MTHFD1L: variants seen among roughly 807,000 people sequenced by gnomAD.
MTHFD1L encodes monofunctional C1-tetrahydrofolate synthase, mitochondrial.
Under a neutral mutation model 119.5 loss-of-function variants are expected in MTHFD1L, and 81 were observed. The ratio of observed to expected loss-of-function variants is 0.68; its 90% CI spans 0.57 to 0.82. The LOEUF (loss-of-function observed/expected upper bound fraction) is 0.82. MTHFD1L is among the 40% of genes least tolerant of loss of function. MTHFD1L has a pLI of 0.00. For missense variants in MTHFD1L, 1,125 were observed against 1,253.4 expected, an observed-to-expected ratio of 0.90 and a Z score of 1.55; for synonymous variants, 430 against 475.2, an observed-to-expected ratio of 0.90 and a Z score of 1.24.
chr6:151,000,335 C>CAAAA (rs946814251), intron 20 of MTHFD1L, among the ~76,000 whole-genome samples: 4 of 75,296 alleles, frequency 5.3e-5, no homozygotes, highest in Non-Finnish European at 1.2e-4. Flanking sequence ...GACTCTGTCT[C>CAAAA]AAAAAAAAAA....
chr6:150,914,355 T>C (rs1223382446), intron 8 of MTHFD1L, among the ~76,000 whole-genome samples: 2 of 152,222 alleles, frequency 1.3e-5, no homozygotes, highest in East Asian at 1.9e-4. Context: ...AAAACAGTAA[T>C]TAAAAGGACC....
chr6:151,099,460 T>TC, intron 27 of MTHFD1L: 3 of 1,021,668 alleles, frequency 2.9e-6, no homozygotes, highest in Non-Finnish European at 1.5e-6. Flanking sequence ...TTTCTTTTTT[T>TC]TTTTTTGCCC....
intron 24 of MTHFD1L, among the ~76,000 whole-genome samples, chr6:151,027,308 A>T (rs1032800046): frequency 1.2e-4 from 18 of 152,050 alleles, no homozygotes; most frequent in Non-Finnish European, 2.9e-5. Flanking sequence ...ATTGTCCCCA[A>T]TCCATCAGAA....
In MTHFD1L at chr6:150,875,997, T is replaced by C. The variant is rs747253603; in HGVS notation, c.228-93T>C. ...CCTTCTGTGGTCTAGTTATTTTCACTTGGAGGAAGGAACTTTCACAGAAAA... is the reference window on the plus strand; with the variant it reads ...CCTTCTGTGGTCTAGTTATTTTCACCTGGAGGAAGGAACTTTCACAGAAAA... On this transcript the variant is annotated intron_variant, in intron 1 of 27. Transcript: ENST00000367321. The C allele has an allele frequency of 7.0e-6, 7 of 998,078 alleles. No individual in the cohort carries two copies. In the Admixed American group the frequency reaches 1.0e-4, roughly 15 times the overall value. The allele number at this position is 998,078 out of a possible 1,614,324, so 61.8% of individuals were successfully genotyped here. A position where few individuals can be genotyped will look rare whatever the true frequency, so the allele number is the denominator to read the frequency against.
intron 11 of MTHFD1L, chr6:150,934,859 C>G: frequency 7.3e-7 from 1 of 1,367,914 alleles, no homozygotes; most frequent in Non-Finnish European, 9.8e-7. Context: ...CTCATTTGGA[C>G]CCAAACTCCA....
intron 19 of MTHFD1L, 117 bp downstream of exon 19, chr6:150,965,154 G>A: frequency 1.2e-6 from 1 of 806,804 alleles, no homozygotes. Context: ...AGTGTGCTTT[G>A]CAATCTCAGG....
intron 7 of MTHFD1L, among the ~76,000 whole-genome samples, chr6:150,890,553 C>T (rs183319491): frequency 1.1e-4 from 17 of 152,252 alleles, no homozygotes; most frequent in East Asian, 9.6e-4. Context: ...CTGAGTCACG[C>T]GCACCAAATA....
At chr6:151,071,532 C>G (rs1791945727) in intron 26 of MTHFD1L, among the ~76,000 whole-genome samples, 1 of 152,022 alleles carries the variant, frequency 6.6e-6, no homozygotes, top group Admixed American at 6.6e-5. Context: ...ACCAAGGTCA[C>G]CGAGAGGGCA....
chr6:150,964,619 T>C (rs1198460037), intron 18 of MTHFD1L, among the ~76,000 whole-genome samples: 1 of 152,218 alleles, frequency 6.6e-6, no homozygotes, highest in African/African-American at 2.4e-5. Flanking sequence ...GAGTAAAGCC[T>C]CTGATTATGA....
Position 150,897,747 on chromosome 6 carries a change from A to G in MTHFD1L, c.781-7903A>G, listed in dbSNP as rs539851529. Among the ~76,000 whole-genome samples the G allele has an allele frequency of 3.9e-5, 6 of 152,290 alleles. No homozygotes were observed. In the East Asian group the frequency reaches 9.6e-4, roughly 24 times the overall value. On this transcript the variant is annotated intron_variant, in intron 7 of 27. Coordinates refer to ENST00000367321, the MANE Select transcript of MTHFD1L (RefSeq NM_015440.5). Reference sequence around the variant, plus strand: ...ACCTTCAGCCCACTGGCAGCAGGTCATCTCCCATTTGCTTTTCTGCACTAT... The same window carrying G: ...ACCTTCAGCCCACTGGCAGCAGGTCGTCTCCCATTTGCTTTTCTGCACTAT...
chr6:150,954,253 A>G (rs748540937), intron 16 of MTHFD1L, among the ~76,000 whole-genome samples: 3 of 152,244 alleles, frequency 2.0e-5, no homozygotes, highest in Admixed American at 1.3e-4. Flanking sequence ...TAAATTGTCA[A>G]TGTGGACAGC....
Position 151,044,846 on chromosome 6 carries a change from C to CTGGGTGGG in MTHFD1L, c.2847+7729_2847+7730insTGGGTGGG, listed in dbSNP as rs1562588119. Reference sequence around the variant, plus strand: ...TGTTTGGGGCATCAGTGATGTCACCCGCTACAAATGCTGGGTGGGGTTACT... The same window carrying CTGGGTGGG: ...TGTTTGGGGCATCAGTGATGTCACCCTGGGTGGGGCTACAAATGCTGGGTGGGGTTACT... On this transcript the variant is annotated intron_variant, in intron 26 of 27. Transcript: ENST00000367321. Among the ~76,000 whole-genome samples, 4 of 152,256 alleles carry CTGGGTGGG rather than the reference C, an allele frequency of 2.6e-5. No homozygotes were observed. In the East Asian group the frequency reaches 7.7e-4, roughly 29 times the overall value.
chr6:151,036,592 G>T (rs1446377188), intron 25 of MTHFD1L, among the ~76,000 whole-genome samples: 1 of 152,114 alleles, frequency 6.6e-6, no homozygotes, highest in Non-Finnish European at 1.5e-5. Context: ...GAGCCTCGTC[G>T]CAGAGCCTTT....
rs774586105 is a variant in MTHFD1L, at chr6:150,971,936, C to G, written c.2014-11C>G. On this transcript the variant is annotated splice_polypyrimidine_tract_variant and intron_variant, in intron 19 of 27. Transcript: ENST00000367321. ...CTTTTGGGATTTTGATTTGCTTTTT[C>G]ACTTCTCTAGGGGACACCTGTGTTC... The G allele has an allele frequency of 6.2e-7, 1 of 1,606,284 alleles. No individual in the cohort carries two copies. The highest frequency in any genetic ancestry group is 1.3e-5 in the African/African-American group (1 of 74,528).
chr6:150,939,683 CTT>C (rs751835547), intron 13 of MTHFD1L, among the ~76,000 whole-genome samples: 7 of 108,394 alleles, frequency 6.5e-5, no homozygotes, highest in Admixed American at 3.3e-4. Flanking sequence ...CTTGCAGACT[CTT>C]TTTTTTTTTT....
intron 13 of MTHFD1L, among the ~76,000 whole-genome samples, chr6:150,940,518 A>G (rs531518646): frequency 6.6e-6 from 1 of 152,304 alleles, no homozygotes; most frequent in Admixed American, 6.5e-5. Flanking sequence ...TTGGAAGGAC[A>G]TTGGTGTCCC....
At position 151,094,455 on chromosome 6, in the gene MTHFD1L, C is replaced by T. The variant is rs143820236; in HGVS notation, c.*31+1868C>T. ...TCTGCTCACTGCAACCTCCGCCTCC[C>T]GGGTTCAAGCAATTCTCTTGCCTCA... On this transcript the variant is annotated intron_variant, in intron 27 of 27. Coordinates refer to ENST00000367321, the MANE Select transcript of MTHFD1L (RefSeq NM_015440.5). 9.6e-3 allele frequency among the ~76,000 whole-genome samples: 1,455 copies of T among 152,276 alleles called. 21 individuals are homozygous for T. The highest frequency in any genetic ancestry group is 0.033 in the African/African-American group (1,386 of 41,550).
rs56284965 is a variant in MTHFD1L at position 150,873,083 on chromosome 6, T to G, written c.228-3007T>G. On this transcript the variant is annotated intron_variant, in intron 1 of 27. Coordinates refer to ENST00000367321, the MANE Select transcript of MTHFD1L (RefSeq NM_015440.5). ...TGTAATTCCAGCACTTTGGGAGGCC[T>G]AGGTGGGCGGATCACGAGGTCAAGA... Among the ~76,000 whole-genome samples the G allele has an allele frequency of 4.4e-3, 671 of 152,104 alleles. 4 individuals carry two copies. Among genetic ancestry groups the G allele is most frequent in the African/African-American group, 0.015 (637 of 41,538 alleles).
intron 11 of MTHFD1L, among the ~76,000 whole-genome samples, chr6:150,930,016 A>T (rs1010319210): frequency 6.6e-6 from 1 of 152,180 alleles, no homozygotes; most frequent in Non-Finnish European, 1.5e-5. Context: ...ACAACAAATG[A>T]TATATTTTTT....
Sources: gnomAD v4.1 joint callset for allele counts (sites outside exome capture counted in the v4.1 genomes callset) on GRCh38, gnomAD v4.1.1 for gene constraint, MANE v1.5 for transcripts, NCBI Gene and HGNC (gene_info 2026-07-23, HGNC 2026-07-21) for gene names.